The following ZDHHC14 variants were observed in gnomAD, a reference collection of about 807,000 sequenced individuals.
ZDHHC14 encodes the protein zDHHC palmitoyltransferase 14, also known as palmitoyltransferase ZDHHC14.
ZDHHC14 carries 16 observed loss-of-function variants against 47.7 expected under a neutral mutation model. The ratio of observed to expected loss-of-function variants is 0.34; its 90% confidence interval spans 0.23 to 0.51. The LOEUF (loss-of-function observed/expected upper bound fraction) is 0.51, where lower values mean the gene tolerates loss of function less well. Among genes scored for constraint, ZDHHC14 ranks in the 20% least tolerant of loss-of-function variants. The probability of loss-of-function intolerance (pLI) is 0.97; values close to 1 mark genes in which losing one functional copy is unlikely to be tolerated. For synonymous variants in ZDHHC14, 293 were observed against 278.9 expected (o/e 1.05, Z -0.50); for missense variants, 515 against 662.5 (o/e 0.78, Z 2.44).
At chr6:157,396,486 C>A (rs546716991) in intron 1 of ZDHHC14, among the ~76,000 whole-genome samples, 4 of 152,248 alleles carry the variant, frequency 2.6e-5, no homozygotes, top group Admixed American at 2.6e-4. Context: ...TATATATGGT[C>A]TATTTGTCTT....
At chr6:157,541,173 C>G (rs1311480529) in intron 1 of ZDHHC14, among the ~76,000 whole-genome samples, 1 of 151,944 alleles carries the variant, frequency 6.6e-6, no homozygotes, top group Non-Finnish European at 1.5e-5. Flanking sequence ...GCACTTTATT[C>G]CTAAATACTT....
chr6:157,431,009 G>T (rs1357245352), intron 1 of ZDHHC14, among the ~76,000 whole-genome samples: 3 of 152,178 alleles, frequency 2.0e-5, no homozygotes, highest in Non-Finnish European at 4.4e-5. Context: ...TTGCTGATCT[G>T]CTTGATGGAC....
At chr6:157,556,808 ACCAGCTGAAGGACAGGCC>A (rs1232624096) in intron 2 of ZDHHC14, among the ~76,000 whole-genome samples, 1 of 152,194 alleles carries the variant, frequency 6.6e-6, no homozygotes, top group Admixed American at 6.5e-5. Flanking sequence ...GATGGCTGCC[ACCAGCTGAAGGACAGGCC>A]CGGGCGGGTT....
chr6:157,395,347 G>A (rs1219432792), intron 1 of ZDHHC14, among the ~76,000 whole-genome samples: 1 of 136,594 alleles, frequency 7.3e-6, no homozygotes, highest in Admixed American at 7.4e-5. Flanking sequence ...TTTTTTTTTA[G>A]TAGAGATGGG....
chr6:157,510,840 T>A (rs189953582), intron 1 of ZDHHC14, among the ~76,000 whole-genome samples: 1 of 152,332 alleles, frequency 6.6e-6, no homozygotes, highest in African/African-American at 2.4e-5. Context: ...GTCCCCGAGT[T>A]TCCAATGGCC....
intron 1 of ZDHHC14, among the ~76,000 whole-genome samples, chr6:157,422,840 C>A (rs1214714596): frequency 6.6e-6 from 1 of 152,150 alleles, no homozygotes; most frequent in African/African-American, 2.4e-5. Flanking sequence ...TACTTCTTTG[C>A]AAAACAGAGT....
intron 1 of ZDHHC14, among the ~76,000 whole-genome samples, chr6:157,539,750 C>T (rs2114798931): frequency 6.6e-6 from 1 of 152,328 alleles, no homozygotes; most frequent in Non-Finnish European, 1.5e-5. Flanking sequence ...ACTTCACCTG[C>T]TTTATTCTCC....
At chr6:157,621,742 C>T (rs1562513023) in intron 3 of ZDHHC14, among the ~76,000 whole-genome samples, 1 of 152,188 alleles carries the variant, frequency 6.6e-6, no homozygotes, top group Admixed American at 6.5e-5. Flanking sequence ...CGTTCGATCT[C>T]CAGCAGCCTT....
At chr6:157,435,396 A>G (rs1021628576) in intron 1 of ZDHHC14, among the ~76,000 whole-genome samples, 1 of 152,222 alleles carries the variant, frequency 6.6e-6, no homozygotes, top group Non-Finnish European at 1.5e-5. Flanking sequence ...AGTCTTTGTG[A>G]TATCGATGAC....
intron 3 of ZDHHC14, among the ~76,000 whole-genome samples, chr6:157,626,890 T>TGGG (rs113464326): frequency 5.4e-4 from 73 of 135,272 alleles, no homozygotes; most frequent in African/African-American, 1.7e-3. Flanking sequence ...CTTTTCCAGC[T>TGGG]GGGGGGGGGG....
At position 157,677,265 on chromosome 6, in the gene ZDHHC14, C is replaced by T. The variant is rs1185399701; in HGVS notation, c.*4143C>T. Reference sequence around the variant, plus strand: ...TAAAAAAAAAAAAAAAAAAAAACTGCCTCTCATTTGTTCCCTTAAAACGTC... The same window carrying T: ...TAAAAAAAAAAAAAAAAAAAAACTGTCTCTCATTTGTTCCCTTAAAACGTC... On this transcript the variant is annotated 3_prime_UTR_variant, in exon 9 of 9. Transcript: ENST00000359775. The T allele has an allele frequency of 6.7e-6, 1 of 148,592 alleles. No individual in the cohort carries two copies. Among genetic ancestry groups the T allele is most frequent in the African/African-American group, 2.5e-5 (1 of 40,538 alleles). 9.2% of individuals were successfully genotyped at this position (148,592 alleles called of 1,614,324 possible). A position where few individuals can be genotyped will look rare whatever the true frequency, so the allele number is the denominator to read the frequency against.
intron 1 of ZDHHC14, among the ~76,000 whole-genome samples, chr6:157,448,645 T>A (rs1370920031): frequency 6.6e-6 from 1 of 152,192 alleles, no homozygotes; most frequent in Admixed American, 6.5e-5. Flanking sequence ...CTTGGCACAA[T>A]GAGAGAACAA....
chr6:157,456,963 A>G (rs1156524784), intron 1 of ZDHHC14, among the ~76,000 whole-genome samples: 3 of 150,666 alleles, frequency 2.0e-5, no homozygotes, highest in East Asian at 3.9e-4. Context: ...AGCCTGGCCA[A>G]CATGGTGAAA....
chr6:157,523,025 T>C lies in ZDHHC14; in HGVS notation c.246-19560T>C, dbSNP rs564414929. ...TCTTTTCTTTTTCTTTTCTTTCCCT[T>C]AAACTTTGGCTCTGAGTACTTATTT... On this transcript the variant is annotated intron_variant, in intron 1 of 8. Transcript: ENST00000359775. 4.8e-5 allele frequency among the ~76,000 whole-genome samples: 7 copies of C among 145,846 alleles called. No homozygotes were observed. In the South Asian group the frequency reaches 1.6e-3, roughly 33 times the overall value.
At chr6:157,454,099 A>G (rs574879982) in intron 1 of ZDHHC14, among the ~76,000 whole-genome samples, 83 of 152,346 alleles carry the variant, frequency 5.4e-4, no homozygotes, top group African/African-American at 2.0e-3. Flanking sequence ...AAAGTCCTCA[A>G]GGCCACAGAC....
intron 1 of ZDHHC14, among the ~76,000 whole-genome samples, chr6:157,426,732 T>C (rs184871102): frequency 2.0e-5 from 3 of 152,008 alleles, no homozygotes; most frequent in African/African-American, 7.2e-5. Context: ...GATGGGGAGC[T>C]GGAAGCCGCA....
intron 1 of ZDHHC14, among the ~76,000 whole-genome samples, chr6:157,541,454 C>T (rs1781761495): frequency 6.6e-6 from 1 of 152,186 alleles, no homozygotes; most frequent in African/African-American, 2.4e-5. Flanking sequence ...CTGTCTGCTT[C>T]CTAGTCTTGA....
At chr6:157,398,950 A>G (rs570438636) in intron 1 of ZDHHC14, among the ~76,000 whole-genome samples, 120 of 152,332 alleles carry the variant, frequency 7.9e-4, no homozygotes, top group African/African-American at 2.7e-3. Flanking sequence ...TCAGTCTCCA[A>G]AGAAAAATGA....
chr6:157,575,396 G>A (rs904086582), intron 2 of ZDHHC14, among the ~76,000 whole-genome samples: 17 of 152,202 alleles, frequency 1.1e-4, no homozygotes, highest in African/African-American at 3.6e-4. Context: ...TTTGCACTCA[G>A]AATGAAGGCC....
Sources: allele counts gnomAD v4.1 joint callset (sites outside exome capture counted in the v4.1 genomes callset), GRCh38; gene constraint gnomAD v4.1.1; transcripts MANE v1.5; gene names NCBI Gene and HGNC (gene_info 2026-07-23, HGNC 2026-07-21).